THRB: variants seen among roughly 807,000 people sequenced by gnomAD.
THRB encodes the protein nuclear receptor subfamily 1 group A member 2.
THRB carries 12 observed loss-of-function variants against 47.8 expected under a neutral mutation model. The observed-to-expected ratio is 0.25, with a 90% confidence interval of 0.16 to 0.41. The LOEUF is 0.41. THRB is among the 10% of genes least tolerant of loss of function. The pLI, the probability that THRB is intolerant of heterozygous loss-of-function variation, is 1.00. For synonymous variants in THRB, 218 were observed against 212.2 expected, an observed-to-expected ratio of 1.03 and a Z score of -0.24; for missense variants, 348 against 589.2, an observed-to-expected ratio of 0.59 and a Z score of 4.24.
At chr3:24,212,577 C>CAAAAAAAAAA (rs1199010853) in intron 4 of THRB, among the ~76,000 whole-genome samples, 10 of 84,038 alleles carry the variant, frequency 1.2e-4, no homozygotes, top group Admixed American at 1.5e-4. Context: ...GACTCCGTCT[C>CAAAAAAAAAA]AAAAAAAAAA....
intron 6 of THRB, among the ~76,000 whole-genome samples, chr3:24,151,275 A>C (rs922055237): frequency 6.6e-6 from 1 of 152,162 alleles, no homozygotes; most frequent in Non-Finnish European, 1.5e-5. Context: ...TGCATGGAAA[A>C]TCTTCCACTA....
chr3:24,283,127 C>A (rs2054814427), intron 3 of THRB, among the ~76,000 whole-genome samples: 1 of 151,190 alleles, frequency 6.6e-6, no homozygotes, highest in African/African-American at 2.4e-5. Context: ...AGAGACACAA[C>A]CAAAAAAGAG....
At chr3:24,214,498 G>T (rs927238916) in intron 4 of THRB, among the ~76,000 whole-genome samples, 7 of 151,820 alleles carry the variant, frequency 4.6e-5, no homozygotes, top group African/African-American at 7.3e-5. Context: ...AACAATAAAA[G>T]CTGAGAGACA....
chr3:24,189,996 A>C, intron 5 of THRB, 78 bp downstream of exon 5: 5 of 1,389,136 alleles, frequency 3.6e-6, no homozygotes, highest in Non-Finnish European at 5.1e-6. Context: ...AGAAATGTAG[A>C]TGAAGTACAC....
chr3:24,132,072 C>G (rs2033946749), intron 9 of THRB, among the ~76,000 whole-genome samples: 1 of 152,198 alleles, frequency 6.6e-6, no homozygotes, highest in Admixed American at 6.5e-5. Flanking sequence ...CTGTGTCCCT[C>G]TGATTCCAGC....
chr3:24,492,267 C>T (rs182967735), intron 1 of THRB, among the ~76,000 whole-genome samples: 2 of 152,118 alleles, frequency 1.3e-5, no homozygotes, highest in African/African-American at 2.4e-5. Flanking sequence ...CTCATGGATT[C>T]GATATTCTAG....
chr3:24,121,340 A>G lies in THRB; in HGVS notation c.*1544T>C, dbSNP rs2031651408. ...AAGCATCTACTTGGTTTCCATAGTG[A>G]CTTTCCTTCCTTTGTTTTTAGGTAA... On this transcript the variant is annotated 3_prime_UTR_variant, in exon 11 of 11. Coordinates refer to ENST00000646209, the MANE Select transcript of THRB (RefSeq NM_001354712.2). 1 of 152,592 alleles carries G rather than the reference A, an allele frequency of 6.6e-6. No individual in the cohort carries two copies. The highest frequency in any genetic ancestry group is 2.1e-4 in the South Asian group (1 of 4,822). The allele number at this position is 152,592 out of a possible 1,614,324, so 9.5% of individuals were successfully genotyped here.
rs142932381 is a variant in THRB at position 24,406,385 on chromosome 3, G to A, written c.-260-69014C>T. On this transcript the variant is annotated intron_variant, in intron 1 of 10. Transcript: ENST00000646209. ...AAGTACTTTGGTCACCTATAAAAATGATAGAAATTTTCTCATTTAACCTAT... is the reference window on the plus strand; with the variant it reads ...AAGTACTTTGGTCACCTATAAAAATAATAGAAATTTTCTCATTTAACCTAT... 1.4e-3 allele frequency among the ~76,000 whole-genome samples: 217 copies of A among 151,756 alleles called. 1 individual carries two copies. Among genetic ancestry groups the A allele is most frequent in the African/African-American group, 4.4e-3 (183 of 41,488 alleles).
intron 1 of THRB, among the ~76,000 whole-genome samples, chr3:24,463,245 T>C (rs1303055827): frequency 1.3e-5 from 2 of 152,258 alleles, no homozygotes; most frequent in East Asian, 3.9e-4. Context: ...TCACACCATC[T>C]CATTTCTAAA....
rs77297159 is a variant in THRB, at chr3:24,242,753, G to C, written c.-42-13752C>G. ...ATAAGCCCTTTCTTAGGTGCAGAGA[G>C]AAAGCCTTGCTCTCACATTCAGAGG... On this transcript the variant is annotated intron_variant, in intron 3 of 10. Coordinates refer to ENST00000646209, the MANE Select transcript of THRB (RefSeq NM_001354712.2). Among the ~76,000 whole-genome samples, 2,206 of 152,186 alleles carry C rather than the reference G, an allele frequency of 0.014. 95 individuals carry two copies. In the East Asian group the frequency reaches 0.16, roughly 11 times the overall value.
chr3:24,361,134 G>A (rs951081424), intron 1 of THRB, among the ~76,000 whole-genome samples: 1 of 152,106 alleles, frequency 6.6e-6, no homozygotes, highest in Admixed American at 6.5e-5. Context: ...AAAACTGTGT[G>A]AACAAAATAA....
chr3:24,123,154 A>G (rs1376578236), intron 10 of THRB, 29 bp from the exon 11 acceptor site: 2 of 1,613,714 alleles, frequency 1.2e-6, no homozygotes, highest in Non-Finnish European at 1.7e-6. Context: ...ATGGACATTG[A>G]TTCAGAGATG....
intron 1 of THRB, among the ~76,000 whole-genome samples, chr3:24,361,872 C>G (rs975821079): frequency 2.0e-5 from 3 of 152,098 alleles, no homozygotes; most frequent in Non-Finnish European, 4.4e-5. Flanking sequence ...GCCGATTTAA[C>G]TTATGGGCAG....
intron 2 of THRB, among the ~76,000 whole-genome samples, chr3:24,303,376 G>A (rs915614712): frequency 4.6e-5 from 7 of 152,056 alleles, no homozygotes; most frequent in Non-Finnish European, 2.9e-5. Flanking sequence ...CTTGCTTCTC[G>A]GCCGCTACCT....
chr3:24,229,305 A>C (rs1466122), intron 3 of THRB, among the ~76,000 whole-genome samples: 1 of 151,922 alleles, frequency 6.6e-6, no homozygotes, highest in Non-Finnish European at 1.5e-5. Context: ...TGTTTATCCC[A>C]AGAGTGGCTA....
intron 4 of THRB, among the ~76,000 whole-genome samples, chr3:24,213,033 A>G (rs1486176965): frequency 6.6e-6 from 1 of 152,220 alleles, no homozygotes; most frequent in East Asian, 1.9e-4. Context: ...ATACGGTATG[A>G]CATGAACAAT....
At chr3:24,293,393 C>T (rs1329701295) in intron 3 of THRB, among the ~76,000 whole-genome samples, 2 of 152,146 alleles carry the variant, frequency 1.3e-5, no homozygotes, top group South Asian at 2.1e-4. Flanking sequence ...CTTTCCCCTT[C>T]TTACTAAGAA....
intron 5 of THRB, among the ~76,000 whole-genome samples, chr3:24,158,649 C>T (rs898668694): frequency 2.0e-5 from 3 of 152,174 alleles, no homozygotes; most frequent in Admixed American, 6.5e-5. Flanking sequence ...AGGCTGGTCT[C>T]GAAATCCTGA....
chr3:24,489,187 A>G (rs1164741692), intron 1 of THRB, among the ~76,000 whole-genome samples: 2 of 152,006 alleles, frequency 1.3e-5, no homozygotes, highest in East Asian at 3.9e-4. Context: ...GGTTGCAGTG[A>G]GCCGAGGTTG....
Sources: gnomAD v4.1 joint callset for allele counts (sites outside exome capture counted in the v4.1 genomes callset) on GRCh38, gnomAD v4.1.1 for gene constraint, MANE v1.5 for transcripts, NCBI Gene and HGNC (gene_info 2026-07-23, HGNC 2026-07-21) for gene names.